LPP: variants seen among roughly 807,000 people sequenced by gnomAD.
The protein encoded by LPP is lipoma-preferred partner.
In LPP, 38 loss-of-function variants were observed where a neutral mutation model predicts 60.4. The observed-to-expected ratio is 0.63, with a 90% CI of 0.49 to 0.83. The LOEUF (loss-of-function observed/expected upper bound fraction) is 0.83. Ranked by LOEUF, LPP falls within the 40% of genes least tolerant of loss-of-function variation. The pLI is 0.00. For synonymous variants in LPP, 328 were observed against 290.8 expected (o/e 1.13, Z -1.30); for missense variants, 902 against 783.6 (o/e 1.15, Z -1.80).
intron 7 of LPP, among the ~76,000 whole-genome samples, chr3:188,665,503 A>T (rs1303237521): frequency 7.5e-6 from 1 of 133,928 alleles, no homozygotes; most frequent in Non-Finnish European, 1.5e-5. Flanking sequence ...CTTGTTGCCC[A>T]GGCTGGAGTG....
intron 2 of LPP, among the ~76,000 whole-genome samples, chr3:188,258,013 G>C (rs545165960): frequency 2.6e-5 from 4 of 152,288 alleles, no homozygotes; most frequent in African/African-American, 9.6e-5. Context: ...AACCAGCGCT[G>C]AGCCCTACTA....
rs115187529 is a variant in LPP, at chr3:188,563,775, C to G, written c.429+38988C>G. Among the ~76,000 whole-genome samples, 625 of 145,678 alleles carry G rather than the reference C, an allele frequency of 4.3e-3. 4 individuals are homozygous for G. The highest frequency in any genetic ancestry group is 0.011 in the African/African-American group (451 of 39,326). On this transcript the variant is annotated intron_variant, in intron 6 of 11. Coordinates refer to ENST00000617246, the MANE Select transcript of LPP (RefSeq NM_001375462.1). ...ATTATCAAAATTCAGTGTGGGCCAT[C>G]ATCGCAAATGTTAGAATCCTCATCT...
chr3:188,169,489 A>G (rs1273315093), intron 1 of LPP, among the ~76,000 whole-genome samples: 1 of 152,252 alleles, frequency 6.6e-6, no homozygotes, highest in African/African-American at 2.4e-5. Flanking sequence ...TCTGTAAGAC[A>G]GTATTTCCCA....
At chr3:188,696,918 T>C (rs750587614) in intron 7 of LPP, among the ~76,000 whole-genome samples, 2 of 152,218 alleles carry the variant, frequency 1.3e-5, no homozygotes, top group Non-Finnish European at 2.9e-5. Context: ...GATAATTTAA[T>C]ATAGATTTCA....
At chr3:188,440,539 G>T (rs1387067675) in intron 4 of LPP, among the ~76,000 whole-genome samples, 1 of 152,110 alleles carries the variant, frequency 6.6e-6, no homozygotes, top group Admixed American at 6.6e-5. Context: ...ATGTAAATAT[G>T]CTGCTTCGGT....
chr3:188,193,821 T>A (rs971713030), intron 1 of LPP, among the ~76,000 whole-genome samples: 10 of 152,238 alleles, frequency 6.6e-5, no homozygotes, highest in African/African-American at 1.4e-4. Context: ...TTTTTAAATT[T>A]TTCCTGGAGT....
At chr3:188,488,484 T>C (rs1023385763) in intron 5 of LPP, among the ~76,000 whole-genome samples, 17 of 152,290 alleles carry the variant, frequency 1.1e-4, no homozygotes, top group African/African-American at 3.9e-4. Flanking sequence ...AATCACTTTA[T>C]TAATTCATTT....
At chr3:188,700,326 A>C (rs1864146448) in intron 7 of LPP, among the ~76,000 whole-genome samples, 2 of 152,222 alleles carry the variant, frequency 1.3e-5, no homozygotes, top group South Asian at 4.1e-4. Flanking sequence ...CAAGAAAGAA[A>C]AATGATCACG....
chr3:188,462,544 T>TATATATATAAATATATA lies in LPP; in HGVS notation c.194-22048_194-22047insATATATATAAATATATA, dbSNP rs1799236891. Among the ~76,000 whole-genome samples, 12 of 34,188 alleles carry TATATATATAAATATATA rather than the reference T, an allele frequency of 3.5e-4. 1 individual carries two copies. The highest frequency in any genetic ancestry group is 8.3e-4 in the Admixed American group (2 of 2,410). The allele number at this position is 34,188 out of a possible 152,430, so 22.4% of individuals were successfully genotyped here. On this transcript the variant is annotated intron_variant, in intron 4 of 11. Transcript: ENST00000617246. ...TAAATTTAGCCAATTTATATGAGCT[T>TATATATATAAATATATA]TATATATATATATATATATATATAT...
rs12107312 is a variant in LPP at position 188,307,322 on chromosome 3, G to A, written c.-66-34341G>A. 9.6e-3 allele frequency among the ~76,000 whole-genome samples: 1,456 copies of A among 152,224 alleles called. 21 individuals are homozygous for A. Among genetic ancestry groups the A allele is most frequent in the African/African-American group, 0.033 (1,363 of 41,528 alleles). On this transcript the variant is annotated intron_variant, in intron 2 of 11. Coordinates refer to ENST00000617246, the MANE Select transcript of LPP (RefSeq NM_001375462.1). Reference sequence around the variant, plus strand: ...CTGGTGGTATGTTAGAATGATTGGCGTGCCCTTAAAAACAGTGTTGTCCAA... The same window carrying A: ...CTGGTGGTATGTTAGAATGATTGGCATGCCCTTAAAAACAGTGTTGTCCAA...
chr3:188,787,837 C>T (rs1259749250), intron 9 of LPP, among the ~76,000 whole-genome samples: 1 of 152,206 alleles, frequency 6.6e-6, no homozygotes, highest in Non-Finnish European at 1.5e-5. Context: ...CAAATATCAT[C>T]TGTGTGCTGA....
At chr3:188,391,217 C>T (rs1349697768) in intron 3 of LPP, among the ~76,000 whole-genome samples, 1 of 152,162 alleles carries the variant, frequency 6.6e-6, no homozygotes, top group Admixed American at 6.5e-5. Flanking sequence ...GGCTAGCGTG[C>T]GGAGATCAGA....
At chr3:188,693,667 G>A (rs556804635) in intron 7 of LPP, among the ~76,000 whole-genome samples, 1 of 152,086 alleles carries the variant, frequency 6.6e-6, no homozygotes. Context: ...ATTCTCTGTG[G>A]GCCACATCTG....
intron 8 of LPP, among the ~76,000 whole-genome samples, chr3:188,753,825 G>A (rs1729062193): frequency 6.6e-6 from 1 of 151,962 alleles, no homozygotes; most frequent in African/African-American, 2.4e-5. Context: ...AAGAGAGAGG[G>A]AAACAGACAT....
chr3:188,336,500 G>C (rs543013919), intron 2 of LPP, among the ~76,000 whole-genome samples: 1 of 152,180 alleles, frequency 6.6e-6, no homozygotes, highest in African/African-American at 2.4e-5. Context: ...TGGCAACTTG[G>C]ATCTCAGGGG....
chr3:188,641,700 A>G (rs10937362), intron 7 of LPP, among the ~76,000 whole-genome samples: 27,871 of 152,146 alleles, frequency 0.18, 3,087 homozygotes, highest in South Asian at 0.37. Context: ...CAGAATCCAG[A>G]AGCGTAACTA....
intron 8 of LPP, among the ~76,000 whole-genome samples, chr3:188,716,411 A>C (rs1009268471): frequency 6.6e-6 from 1 of 152,190 alleles, no homozygotes. Context: ...TCATGAATAG[A>C]AACAGAACAA....
At chr3:188,291,171 G>A (rs78041260) in intron 2 of LPP, among the ~76,000 whole-genome samples, 15,657 of 152,024 alleles carry the variant, frequency 0.1, 898 homozygotes, top group Non-Finnish European at 0.12. Flanking sequence ...TACTTTCTTG[G>A]GCTTCTTGTC....
chr3:188,714,510 G>C (rs1198917296), intron 8 of LPP, among the ~76,000 whole-genome samples: 1 of 151,836 alleles, frequency 6.6e-6, no homozygotes, highest in Non-Finnish European at 1.5e-5. Flanking sequence ...ATCACTAATA[G>C]CCACCGTTCT....
Sources: allele counts gnomAD v4.1 joint callset (sites outside exome capture counted in the v4.1 genomes callset), GRCh38; gene constraint gnomAD v4.1.1; transcripts MANE v1.5; gene names NCBI Gene and HGNC (gene_info 2026-07-23, HGNC 2026-07-21).